ZNF729: variants seen among roughly 807,000 people sequenced by gnomAD.
ZNF729 encodes the protein zinc finger protein 729.
ZNF729 carries 15 observed loss-of-function variants against 12.2 expected under a neutral mutation model. The ratio of observed to expected loss-of-function variants is 1.23; its 90% CI spans 0.82 to 1.89. The LOEUF is 1.89. Among genes scored for constraint, ZNF729 ranks in the 40% most tolerant of loss-of-function variants. The pLI, the probability that ZNF729 is intolerant of heterozygous loss-of-function variation, is 0.00. For missense variants in ZNF729, 1,540 were observed against 1,456.7 expected, an observed-to-expected ratio of 1.06 and a Z score of -0.93; for synonymous variants, 492 against 476.3, an observed-to-expected ratio of 1.03 and a Z score of -0.43.
At position 22,314,634 on chromosome 19, in the gene ZNF729, G is replaced by C; in HGVS notation, c.1217G>C (p.Cys406Ser). The C allele has an allele frequency of 6.2e-7, 1 of 1,612,438 alleles. No individual in the cohort carries two copies. The highest frequency in any genetic ancestry group is 8.5e-7 in the Non-Finnish European group (1 of 1,179,874). Residue 406 changes from cysteine to serine, a missense_variant, in exon 4 of 4, where the codon TGT becomes TCT. Cys to Ser is a moderately radical substitution (Grantham distance 112). Transcript: ENST00000601693. Reference sequence around the variant, plus strand: ...CATACTGGAGAGAAACCCTACAAATGTGAAGAATGTGGCAAAGCTTTTAGC... The same window carrying C: ...CATACTGGAGAGAAACCCTACAAATCTGAAGAATGTGGCAAAGCTTTTAGC... ...VVHTGEKPYKCEECGKAFSQF... is the reference protein window; with the variant it reads ...VVHTGEKPYKSEECGKAFSQF...
chr19:22,300,935 A>G (rs187210414), intron 1 of ZNF729, among the ~76,000 whole-genome samples: 1 of 152,324 alleles, frequency 6.6e-6, no homozygotes, highest in East Asian at 1.9e-4. Context: ...AGGTCTTCAG[A>G]TTTGAGAAAA....
chr19:22,286,898 G>A (rs957070069), intron 1 of ZNF729, among the ~76,000 whole-genome samples: 16 of 152,184 alleles, frequency 1.1e-4, no homozygotes, highest in African/African-American at 3.9e-4. Context: ...TTCATGAATG[G>A]GAAGAGCTTT....
chr19:22,297,518 A>G (rs1308575912), intron 1 of ZNF729, among the ~76,000 whole-genome samples: 1 of 151,986 alleles, frequency 6.6e-6, no homozygotes, highest in Admixed American at 6.6e-5. Flanking sequence ...GATTTTATGT[A>G]GATATTTTTC....
chr19:22,290,775 A>G (rs1248924931), intron 1 of ZNF729, among the ~76,000 whole-genome samples: 1 of 152,108 alleles, frequency 6.6e-6, no homozygotes, highest in Non-Finnish European at 1.5e-5. Flanking sequence ...AAAAAGAGAC[A>G]GTGTGCAGAG....
chr19:22,295,690 G>A (rs115575898), intron 1 of ZNF729, among the ~76,000 whole-genome samples: 2 of 152,138 alleles, frequency 1.3e-5, no homozygotes, highest in South Asian at 4.1e-4. Context: ...GTGAGCCACC[G>A]CGCCCAGTCG....
intron 1 of ZNF729, among the ~76,000 whole-genome samples, chr19:22,295,649 C>G (rs372657073): frequency 6.6e-6 from 1 of 152,266 alleles, no homozygotes; most frequent in East Asian, 1.9e-4. Flanking sequence ...ATCCGCCCGT[C>G]TCGGCCTCCC....
intron 1 of ZNF729, among the ~76,000 whole-genome samples, chr19:22,296,048 T>C (rs1968226462): frequency 6.6e-6 from 1 of 152,188 alleles, no homozygotes; most frequent in Non-Finnish European, 1.5e-5. Context: ...TTGAGGATTT[T>C]TTCATCAATG....
rs1021490597 is a variant in ZNF729 at position 22,303,607 on chromosome 19, G to T, written c.31-151G>T. On this transcript the variant is annotated intron_variant, in intron 1 of 3. Transcript: ENST00000601693. ...TGAGACTACATTAGATAATATTTCT[G>T]TGTTGAAAATTATTTTATTGGATAT... The T allele has an allele frequency of 1.3e-4, 82 of 645,582 alleles. 1 individual carries two copies. Among genetic ancestry groups the T allele is most frequent in the African/African-American group, 9.8e-4 (50 of 51,172 alleles). The allele number at this position is 645,582 out of a possible 1,614,324, so 40.0% of individuals were successfully genotyped here.
Position 22,315,751 on chromosome 19 carries a change from C to T in ZNF729, c.2334C>T (p.Asn778=), listed in dbSNP as rs764120179. ...YKCEECVKAF[N]SFSALMKHKV... is the part of the protein sequence containing the mutation. ...GTGAAGAATGTGTCAAAGCTTTTAA[C>T]AGTTTCTCAGCCCTTATGAAACATA... is the stretch of plus-strand genomic sequence containing the variant. Residue 778 remains asparagine, a synonymous_variant, in exon 4 of 4, where the codon AAC becomes AAT. Transcript: ENST00000601693. 1.9e-6 allele frequency: 3 copies of T among 1,607,454 alleles called. No individual in the cohort carries two copies. The highest frequency in any genetic ancestry group is 2.5e-6 in the Non-Finnish European group (3 of 1,178,686).
At chr19:22,288,627 A>G (rs1161665902) in intron 1 of ZNF729, among the ~76,000 whole-genome samples, 2 of 152,140 alleles carry the variant, frequency 1.3e-5, no homozygotes, top group Non-Finnish European at 2.9e-5. Flanking sequence ...TCTTCCTTTG[A>G]AAAGCTAACC....
intron 3 of ZNF729, among the ~76,000 whole-genome samples, chr19:22,308,409 A>G (rs141065477): frequency 7.2e-5 from 11 of 152,254 alleles, no homozygotes; most frequent in Admixed American, 2.0e-4. Context: ...GCTGGGTCAA[A>G]TGGTAGTATG....
chr19:22,288,886 G>A (rs1009251789), intron 1 of ZNF729, among the ~76,000 whole-genome samples: 2 of 152,014 alleles, frequency 1.3e-5, no homozygotes, highest in African/African-American at 4.8e-5. Context: ...AAAAAAAACA[G>A]TGATCCAGTG....
intron 3 of ZNF729, among the ~76,000 whole-genome samples, chr19:22,306,327 T>C (rs1176093833): frequency 6.6e-6 from 1 of 151,506 alleles, no homozygotes; most frequent in Non-Finnish European, 1.5e-5. Context: ...TAGCCCCAGC[T>C]ACTCAGGAGG....
intron 1 of ZNF729, among the ~76,000 whole-genome samples, chr19:22,287,116 A>G (rs1968088740): frequency 6.6e-6 from 1 of 152,180 alleles, no homozygotes; most frequent in Admixed American, 6.5e-5. Flanking sequence ...TTGGTTATGT[A>G]CAGTTACGTA....
chr19:22,303,675 C>T, intron 1 of ZNF729, 83 bp from the exon 2 acceptor site: 1 of 1,328,120 alleles, frequency 7.5e-7, no homozygotes, highest in Non-Finnish European at 1.0e-6. Flanking sequence ...TCTTTATTCT[C>T]TCATTTCACC....
intron 3 of ZNF729, among the ~76,000 whole-genome samples, chr19:22,310,072 A>C (rs897978473): frequency 3.1e-4 from 47 of 152,188 alleles, no homozygotes; most frequent in African/African-American, 1.1e-3. Context: ...TTGTATCTGA[A>C]AGCTTTGCTG....
In ZNF729 at chr19:22,315,678, C is replaced by T. The variant is rs746249924; in HGVS notation, c.2261C>T (p.Ala754Val). 3 of 1,606,474 alleles carry T rather than the reference C, an allele frequency of 1.9e-6. No homozygotes were observed. The highest frequency in any genetic ancestry group is 2.2e-5 in the East Asian group (1 of 44,732). The part of the protein sequence containing the change: ...ECGKSFKHFS[A>V]LRKHKVIHTR... ...GGCAAATCTTTTAAGCATTTCTCAG[C>T]CCTTAGAAAACATAAGGTAATTCAT... The change falls in exon 4 of 4, where the codon GCC (alanine) becomes GTC (valine). Residue 754 changes from alanine (A) to valine (V), a missense_variant. Coordinates refer to ENST00000601693, the MANE Select transcript of ZNF729 (RefSeq NM_001242680.2).
intron 1 of ZNF729, among the ~76,000 whole-genome samples, chr19:22,293,169 G>A (rs1357918290): frequency 6.6e-6 from 1 of 151,982 alleles, no homozygotes; most frequent in Admixed American, 6.6e-5. Flanking sequence ...AAAAACATTT[G>A]TTCATGTTTT....
intron 1 of ZNF729, among the ~76,000 whole-genome samples, chr19:22,293,008 G>C (rs1968175155): frequency 6.6e-6 from 1 of 152,146 alleles, no homozygotes; most frequent in African/African-American, 2.4e-5. Context: ...CCGTTTCTCT[G>C]AAACCTTGCC....
Sources: gnomAD v4.1 joint callset for allele counts (sites outside exome capture counted in the v4.1 genomes callset) on GRCh38, gnomAD v4.1.1 for gene constraint, MANE v1.5 for transcripts, NCBI Gene and HGNC (gene_info 2026-07-23, HGNC 2026-07-21) for gene names.